Variants in DAB2 observed in about 807,000 individuals in gnomAD.
The protein encoded by DAB2 is DAB adaptor protein 2, also known as disabled homolog 2.
DAB2 carries 28 observed loss-of-function variants against 71.6 expected under a neutral mutation model. The ratio of observed to expected loss-of-function variants is 0.39; its 90% CI spans 0.29 to 0.54. The LOEUF (loss-of-function observed/expected upper bound fraction) is 0.54. Ranked by LOEUF, DAB2 falls within the 20% of genes least tolerant of loss-of-function variation. The pLI is 0.68. For synonymous variants in DAB2, 345 were observed against 339.7 expected (o/e 1.02, Z -0.17); for missense variants, 867 against 928.8 (o/e 0.93, Z 0.86).
intron 10 of DAB2, among the ~76,000 whole-genome samples, chr5:39,382,210 C>T (rs1754996779): frequency 6.6e-6 from 1 of 152,134 alleles, no homozygotes; most frequent in African/African-American, 2.4e-5. Flanking sequence ...TATACCACCA[C>T]CATGGACACT....
chr5:39,380,844 C>T (rs1436698583), intron 11 of DAB2, among the ~76,000 whole-genome samples: 2 of 152,156 alleles, frequency 1.3e-5, no homozygotes, highest in Admixed American at 6.6e-5. Context: ...CAGTAAAACA[C>T]TCAAGCTAGC....
intron 10 of DAB2, among the ~76,000 whole-genome samples, chr5:39,381,827 G>A (rs571386191): frequency 6.6e-6 from 1 of 152,326 alleles, no homozygotes; most frequent in African/African-American, 2.4e-5. Context: ...CTGAGTCTTA[G>A]TGTCTGACAC....
intron 7 of DAB2, 46 bp from the exon 8 acceptor site, chr5:39,388,898 T>G (rs953055493): frequency 6.5e-7 from 1 of 1,530,096 alleles, no homozygotes; most frequent in East Asian, 2.3e-5. Context: ...GCTTTGTCTA[T>G]AAAATGTATT....
intron 4 of DAB2, 51 bp from the exon 5 acceptor site, chr5:39,390,626 G>C: frequency 6.8e-7 from 1 of 1,460,026 alleles, no homozygotes; most frequent in East Asian, 2.3e-5. Context: ...GAATCTATTT[G>C]CAGGCTAGCA....
intron 9 of DAB2, among the ~76,000 whole-genome samples, chr5:39,387,329 TTC>T (rs1755118653): frequency 6.6e-6 from 1 of 152,304 alleles, no homozygotes; most frequent in Admixed American, 6.5e-5. Context: ...TCTAGACTAA[TTC>T]TCTTTTTGTC....
chr5:39,409,364 T>C (rs939616129), intron 1 of DAB2, among the ~76,000 whole-genome samples: 12 of 152,170 alleles, frequency 7.9e-5, no homozygotes, highest in African/African-American at 2.9e-4. Flanking sequence ...GTAAACAGAT[T>C]AGTTGTTGCA....
intron 13 of DAB2, among the ~76,000 whole-genome samples, 171 bp from the exon 14 acceptor site, chr5:39,375,255 G>A (rs1279864912): frequency 6.6e-6 from 1 of 152,142 alleles, no homozygotes; most frequent in Non-Finnish European, 1.5e-5. Context: ...GCAGATGGCA[G>A]TGTATATTAT....
intron 1 of DAB2, among the ~76,000 whole-genome samples, chr5:39,397,236 A>G (rs1676240531): frequency 6.6e-6 from 1 of 152,190 alleles, no homozygotes; most frequent in Admixed American, 6.5e-5. Flanking sequence ...AGACATCAGC[A>G]TCAGCCCTCT....
At chr5:39,393,414 A>C in intron 2 of DAB2, 21 bp from the exon 3 acceptor site, 1 of 1,612,946 alleles carries the variant, frequency 6.2e-7, no homozygotes. Context: ...AAAGGAATAC[A>C]GGATGAAGAA....
At chr5:39,398,104 AG>A (rs1389869509) in intron 1 of DAB2, among the ~76,000 whole-genome samples, 1 of 152,230 alleles carries the variant, frequency 6.6e-6, no homozygotes, top group Non-Finnish European at 1.5e-5. Flanking sequence ...CTTCACTGCA[AG>A]GTATTATTTC....
intron 1 of DAB2, chr5:39,417,892 A>G (rs372681841): frequency 1.3e-5 from 2 of 152,340 alleles, no homozygotes; most frequent in Admixed American, 6.5e-5. Flanking sequence ...TAGTACATGT[A>G]TGCTCTCTGA....
intron 1 of DAB2, chr5:39,408,291 C>T (rs1266718663): frequency 6.6e-6 from 1 of 152,176 alleles, no homozygotes; most frequent in Non-Finnish European, 1.5e-5. Context: ...GTTATGCAGA[C>T]TCAAAACAAG....
intron 1 of DAB2, among the ~76,000 whole-genome samples, chr5:39,400,261 T>C (rs920925983): frequency 3.9e-5 from 6 of 151,928 alleles, no homozygotes; most frequent in African/African-American, 1.4e-4. Flanking sequence ...AGATAGAGTT[T>C]CACTCTTGTT....
At chr5:39,421,419 C>T (rs552429590) in intron 1 of DAB2, among the ~76,000 whole-genome samples, 14 of 152,178 alleles carry the variant, frequency 9.2e-5, no homozygotes, top group Non-Finnish European at 1.5e-4. Flanking sequence ...CTATTATTCT[C>T]CCCAGATAAG....
At position 39,382,966 on chromosome 5, in the gene DAB2, C is replaced by T. The variant is rs748668338; in HGVS notation, c.993G>A (p.Leu331=). 5 of 1,614,010 alleles carry T rather than the reference C, an allele frequency of 3.1e-6. No individual in the cohort carries two copies. Among genetic ancestry groups the T allele is most frequent in the African/African-American group, 2.7e-5 (2 of 74,910 alleles). The change falls in exon 10 of 15, where the codon CTG becomes CTA. Residue 331 remains leucine (L), a synonymous_variant. Coordinates refer to ENST00000320816, the MANE Select transcript of DAB2 (RefSeq NM_001343.4). ...CATCACCATTCAGGGGCCCATTACTCAGCGGAGTAGACGAGCTACTCGAAT... is the reference window on the plus strand; with the variant it reads ...CATCACCATTCAGGGGCCCATTACTTAGCGGAGTAGACGAGCTACTCGAAT... ...KENSSSSSTP[L]SNGPLNGDVD... is the part of the protein sequence containing the mutation.
rs1359241386 is a variant in DAB2, at chr5:39,371,731, C to G, written c.*1700G>C. 6.6e-6 allele frequency: 1 copy of G among 152,192 alleles called. No individual in the cohort carries two copies. The highest frequency in any genetic ancestry group is 1.5e-5 in the Non-Finnish European group (1 of 68,028). The allele number at this position is 152,192 out of a possible 1,614,324, so 9.4% of individuals were successfully genotyped here. On this transcript the variant is annotated 3_prime_UTR_variant, in exon 15 of 15. Transcript: ENST00000320816. ...GTAAATTTATAGCTTTATTTGCATACAGAAAAGTGCATGAGAAAATAAGTA... is the reference window on the plus strand; with the variant it reads ...GTAAATTTATAGCTTTATTTGCATAGAGAAAAGTGCATGAGAAAATAAGTA...
rs1013942895 is a variant in DAB2, at chr5:39,388,787, A to G, written c.624+12T>C. ...AAGTAAGAACTGTCAAACGTCACATATTAATACATACCGATTTCAGTTTGT... is the reference window on the plus strand; with the variant it reads ...AAGTAAGAACTGTCAAACGTCACATGTTAATACATACCGATTTCAGTTTGT... On this transcript the variant is annotated intron_variant, in intron 8 of 14. Transcript: ENST00000320816. 1 of 1,610,206 alleles carries G rather than the reference A, an allele frequency of 6.2e-7. No homozygotes were observed. The highest frequency in any genetic ancestry group is 8.5e-7 in the Non-Finnish European group (1 of 1,176,634).
chr5:39,389,760 C>A, intron 6 of DAB2, 92 bp downstream of exon 6: 1 of 702,992 alleles, frequency 1.4e-6, no homozygotes, highest in Non-Finnish European at 2.4e-6. Flanking sequence ...GATCCACCCA[C>A]CTCTGCCTCC....
intron 1 of DAB2, among the ~76,000 whole-genome samples, chr5:39,397,124 C>G (rs1005965228): frequency 6.6e-6 from 1 of 152,154 alleles, no homozygotes; most frequent in Non-Finnish European, 1.5e-5. Context: ...GAGTGTGACT[C>G]TAGTAGAACT....
Sources: allele counts gnomAD v4.1 joint callset (sites outside exome capture counted in the v4.1 genomes callset), GRCh38; gene constraint gnomAD v4.1.1; transcripts MANE v1.5; gene names NCBI Gene and HGNC (gene_info 2026-07-23, HGNC 2026-07-21).